SLC6A15: variants seen among roughly 807,000 people sequenced by gnomAD.
SLC6A15 encodes the protein sodium-dependent neutral amino acid transporter B(0)AT2.
Under a neutral mutation model 68.5 loss-of-function variants are expected in SLC6A15, and 33 were observed. The observed-to-expected ratio is 0.48, with a 90% CI of 0.37 to 0.64. The LOEUF is 0.64. Ranked by LOEUF, SLC6A15 falls within the 30% of genes least tolerant of loss-of-function variation. The probability of loss-of-function intolerance (pLI) is 0.00; values close to 1 mark genes in which losing one functional copy is unlikely to be tolerated. For missense variants in SLC6A15, 747 were observed against 874.3 expected (o/e 0.85, Z 1.84); for synonymous variants, 347 against 301.0 (o/e 1.15, Z -1.58).
intron 1 of SLC6A15, among the ~76,000 whole-genome samples, chr12:84,904,618 A>T (rs1483231975): frequency 6.6e-6 from 1 of 152,214 alleles, no homozygotes; most frequent in Non-Finnish European, 1.5e-5. Flanking sequence ...AAATACACAC[A>T]GTGATTTCAT....
At chr12:84,873,022 C>T (rs1871356255) in intron 7 of SLC6A15, 65 bp downstream of exon 7, 3 of 1,531,020 alleles carry the variant, frequency 2.0e-6, no homozygotes, top group Middle Eastern at 1.7e-4. Context: ...TATCATGTAT[C>T]AATAAAAGTA....
chr12:84,900,485 A>G (rs1178583751), intron 1 of SLC6A15, among the ~76,000 whole-genome samples: 1 of 151,026 alleles, frequency 6.6e-6, no homozygotes, highest in Non-Finnish European at 1.5e-5. Context: ...ACATCCACCA[A>G]AACATTGACT....
At chr12:84,874,876 T>A (rs1592597119) in intron 6 of SLC6A15, among the ~76,000 whole-genome samples, 4 of 152,312 alleles carry the variant, frequency 2.6e-5, no homozygotes, top group South Asian at 2.1e-4. Flanking sequence ...GTAAAATTTT[T>A]AAAAATTACA....
At chr12:84,870,218 T>C (rs1592594110) in intron 9 of SLC6A15, among the ~76,000 whole-genome samples, 1 of 150,798 alleles carries the variant, frequency 6.6e-6, no homozygotes, top group African/African-American at 2.4e-5. Flanking sequence ...TTACTATTAA[T>C]GAATTATAAC....
chr12:84,869,594 A>G (rs1158853819), intron 9 of SLC6A15, among the ~76,000 whole-genome samples: 1 of 151,502 alleles, frequency 6.6e-6, no homozygotes, highest in African/African-American at 2.4e-5. Context: ...GTACTCTAGT[A>G]TGGTTGGCTT....
chr12:84,868,612 T>G (rs1456748244), intron 9 of SLC6A15, among the ~76,000 whole-genome samples: 4 of 152,292 alleles, frequency 2.6e-5, no homozygotes, highest in Middle Eastern at 3.4e-3. Flanking sequence ...TGCCTAAATC[T>G]TACTGCATAA....
intron 10 of SLC6A15, among the ~76,000 whole-genome samples, chr12:84,866,828 A>G (rs1322747813): frequency 1.3e-5 from 2 of 152,206 alleles, no homozygotes; most frequent in African/African-American, 4.8e-5. Context: ...TCTACATACT[A>G]TTACATCCTA....
At chr12:84,877,952 G>T (rs1472202372) in intron 5 of SLC6A15, among the ~76,000 whole-genome samples, 1 of 152,144 alleles carries the variant, frequency 6.6e-6, no homozygotes, top group Non-Finnish European at 1.5e-5. Context: ...TCTATCATAT[G>T]TATCTGTGGA....
chr12:84,871,100 T>C (rs1871267305), intron 8 of SLC6A15, among the ~76,000 whole-genome samples: 1 of 151,722 alleles, frequency 6.6e-6, no homozygotes, highest in Non-Finnish European at 1.5e-5. Flanking sequence ...AATTTGGTTT[T>C]ACCTTACCTC....
chr12:84,882,639 G>A, intron 5 of SLC6A15: 1 of 220,258 alleles, frequency 4.5e-6, no homozygotes, highest in Non-Finnish European at 7.7e-6. Flanking sequence ...ATGGGCTCTA[G>A]ATTTAGACAG....
chr12:84,897,275 T>C (rs977103861), intron 1 of SLC6A15, among the ~76,000 whole-genome samples: 14 of 151,578 alleles, frequency 9.2e-5, no homozygotes, highest in Non-Finnish European at 1.8e-4. Context: ...TGAAACTATA[T>C]CTGAGGCATG....
chr12:84,892,948 C>T (rs902685388), intron 1 of SLC6A15, among the ~76,000 whole-genome samples: 1 of 152,160 alleles, frequency 6.6e-6, no homozygotes, highest in African/African-American at 2.4e-5. Context: ...TACCACCACA[C>T]CCAGCTAATT....
Position 84,908,196 on chromosome 12 carries a change from G to A in SLC6A15, c.-189+4327C>T, listed in dbSNP as rs192952381. On this transcript the variant is annotated intron_variant, in intron 1 of 11. Coordinates refer to ENST00000266682, the MANE Select transcript of SLC6A15 (RefSeq NM_182767.6). ...TATATTTGCAGGAAATTTGTCAAGA[G>A]CTCACAAGAACTCTCTGTGTTATTT... 2.5e-3 allele frequency among the ~76,000 whole-genome samples: 387 copies of A among 152,202 alleles called. 2 individuals are homozygous for A. The highest frequency in any genetic ancestry group is 4.2e-3 in the Non-Finnish European group (288 of 67,980).
chr12:84,899,809 C>T (rs879303895), intron 1 of SLC6A15, among the ~76,000 whole-genome samples: 9 of 151,958 alleles, frequency 5.9e-5, no homozygotes, highest in African/African-American at 2.2e-4. Flanking sequence ...CTTTAGTTAT[C>T]TTCATATATT....
chr12:84,866,403 T>G (rs905043906), intron 10 of SLC6A15, among the ~76,000 whole-genome samples: 2 of 152,186 alleles, frequency 1.3e-5, no homozygotes, highest in Admixed American at 1.3e-4. Context: ...ATAGTGAATT[T>G]ATTCATTATT....
chr12:84,870,156 T>C (rs1455769625), intron 9 of SLC6A15, among the ~76,000 whole-genome samples: 2 of 151,592 alleles, frequency 1.3e-5, no homozygotes, highest in East Asian at 1.9e-4. Flanking sequence ...ATAAAAATTA[T>C]ACACAAACAG....
rs1240153729 is a variant in SLC6A15, at chr12:84,861,917, A to G, written c.1908T>C (p.Val636=). The G allele has an allele frequency of 6.2e-7, 1 of 1,614,026 alleles. No individual in the cohort carries two copies. Among genetic ancestry groups the G allele is most frequent in the Non-Finnish European group, 8.5e-7 (1 of 1,179,932 alleles). ...TAAGGTTGAAGCGACGAACAATGAA[A>G]ACTACAGGGACTGGGAGTATTGCAA... ...VVFAILPVPV[V]FIVRRFNLID... is the part of the protein sequence containing the mutation. Residue 636 remains valine (V), a synonymous_variant, in exon 12 of 12, where the codon GTT becomes GTC. Transcript: ENST00000266682.
At chr12:84,899,412 A>G (rs1385568725) in intron 1 of SLC6A15, among the ~76,000 whole-genome samples, 1 of 152,192 alleles carries the variant, frequency 6.6e-6, no homozygotes, top group African/African-American at 2.4e-5. Flanking sequence ...AGAGGCACAA[A>G]GTGATAAAAA....
At chr12:84,874,187 A>G (rs1871412376) in intron 6 of SLC6A15, among the ~76,000 whole-genome samples, 1 of 152,202 alleles carries the variant, frequency 6.6e-6, no homozygotes, top group Admixed American at 6.5e-5. Context: ...CACGAATTCT[A>G]CAGAGAGTTT....
Sources: gnomAD v4.1 joint callset for allele counts (sites outside exome capture counted in the v4.1 genomes callset) on GRCh38, gnomAD v4.1.1 for gene constraint, MANE v1.5 for transcripts, NCBI Gene and HGNC (gene_info 2026-07-23, HGNC 2026-07-21) for gene names.